SF3B1: variants seen among roughly 807,000 people sequenced by gnomAD.
SF3B1 encodes the protein splicing factor 3b subunit 1.
Under a neutral mutation model 153.8 loss-of-function variants are expected in SF3B1, and 12 were observed. The ratio of observed to expected loss-of-function variants is 0.08; its 90% confidence interval spans 0.05 to 0.13. The LOEUF (loss-of-function observed/expected upper bound fraction) is 0.13. Among genes scored for constraint, SF3B1 ranks in the 10% least tolerant of loss-of-function variants. SF3B1 has a pLI of 1.00. For missense variants in SF3B1, 513 were observed against 1,606.1 expected, an observed-to-expected ratio of 0.32 and a Z score of 11.63; for synonymous variants, 498 against 525.2, an observed-to-expected ratio of 0.95 and a Z score of 0.71.
chr2:197,393,354 A>G (rs1018740654), intron 23 of SF3B1, 166 bp from the exon 24 acceptor site: 5 of 617,050 alleles, frequency 8.1e-6, no homozygotes, highest in Admixed American at 5.9e-5. Context: ...AACATTTCAT[A>G]TATCTAATAT....
intron 9 of SF3B1, among the ~76,000 whole-genome samples, chr2:197,407,426 G>A (rs1256761643): frequency 1.3e-5 from 2 of 152,042 alleles, no homozygotes; most frequent in African/African-American, 4.8e-5. Context: ...CCAGCATGGC[G>A]AAACCCTGTC....
intron 1 of SF3B1, among the ~76,000 whole-genome samples, chr2:197,434,644 C>A (rs2106030557): frequency 6.6e-6 from 1 of 152,330 alleles, no homozygotes; most frequent in South Asian, 2.1e-4. Context: ...CGAGTGAGAC[C>A]TTCTCCCCAC....
chr2:197,407,606 T>TA (rs143335876), intron 9 of SF3B1, among the ~76,000 whole-genome samples: 3,383 of 132,406 alleles, frequency 0.026, 124 homozygotes, highest in East Asian at 0.087. Flanking sequence ...CTCCATCTTT[T>TA]AAAAAAAAAA....
At chr2:197,417,204 G>A (rs946712611) in intron 5 of SF3B1, among the ~76,000 whole-genome samples, 2 of 152,050 alleles carry the variant, frequency 1.3e-5, no homozygotes, top group African/African-American at 4.8e-5. Context: ...GAACCATAAT[G>A]CTTCCACTGA....
At chr2:197,422,218 A>G (rs2085255218) in intron 2 of SF3B1, among the ~76,000 whole-genome samples, 1 of 152,066 alleles carries the variant, frequency 6.6e-6, no homozygotes, top group Non-Finnish European at 1.5e-5. Context: ...GCTTCTAGAA[A>G]TTTCACCTTT....
chr2:197,392,575 G>GGGA, intron 24 of SF3B1, 114 bp from the exon 25 acceptor site: 1 of 314,808 alleles, frequency 3.2e-6, no homozygotes, highest in Admixed American at 4.8e-5. Context: ...GGAGTTGGGG[G>GGGA]GGGGGGAACC....
At chr2:197,418,173 T>C (rs185171331) in intron 5 of SF3B1, among the ~76,000 whole-genome samples, 2 of 136,868 alleles carry the variant, frequency 1.5e-5, no homozygotes, top group African/African-American at 2.8e-5. Flanking sequence ...GAAGCAGAGA[T>C]TGCAGTGAGA....
At chr2:197,419,445 T>C (rs1278051844) in intron 4 of SF3B1, 3 of 220,028 alleles carry the variant, frequency 1.4e-5, no homozygotes, top group African/African-American at 6.7e-5. Context: ...ACAAGTAGTA[T>C]AGCATCACAA....
In SF3B1 at chr2:197,402,847, G is replaced by T. The variant is rs371654460; in HGVS notation, c.1807-21C>A. ...GCAGCCTAAAATGTAAACAAAGAAA[G>T]GACAGTCATGAGTTGGTAATATTAA... On this transcript the variant is annotated intron_variant, in intron 13 of 24. Coordinates refer to ENST00000335508, the MANE Select transcript of SF3B1 (RefSeq NM_012433.4). The surrounding 1 kb of genome is among the most constrained non-coding windows in gnomAD (Gnocchi z 4.6). The T allele has an allele frequency of 1.6e-5, 25 of 1,611,942 alleles. No homozygotes were observed. The highest frequency in any genetic ancestry group is 1.8e-5 in the Non-Finnish European group (21 of 1,178,644).
chr2:197,408,207 C>T (rs2085020330), intron 8 of SF3B1, 88 bp from the exon 9 acceptor site: 1 of 1,323,422 alleles, frequency 7.6e-7, no homozygotes, highest in South Asian at 1.3e-5. Flanking sequence ...AAGATCAATC[C>T]TATTATTTGC....
Position 197,405,342 on chromosome 2 carries a change from T to C in SF3B1, c.1370A>G (p.Asn457Ser). 3 of 1,614,140 alleles carry C rather than the reference T, an allele frequency of 1.9e-6. No homozygotes were observed. Among genetic ancestry groups the C allele is most frequent in the Non-Finnish European group, 2.5e-6 (3 of 1,179,988 alleles). ...QTEDRTMKSV[N>S]DQPSGNLPFL... ...TGGAAGATTTCCAGATGGCTGGTCA[T>C]TAACACTTTTCATAGTTCGATCTTC... The change falls in exon 10 of 25, where the codon AAT becomes AGT. Residue 457 changes from asparagine (N) to serine (S), a missense_variant. Physicochemically the swap from Asn to Ser is conservative, Grantham distance 46 (BLOSUM62 1). Around this residue, in one of 21 missense-constraint regions of SF3B1, gnomAD observed 17 missense variants for 21.0 expected, o/e 0.81. Coordinates refer to ENST00000335508, the MANE Select transcript of SF3B1 (RefSeq NM_012433.4).
chr2:197,392,581 G>GGGGGGA (rs1553563303), intron 24 of SF3B1, 120 bp from the exon 25 acceptor site: 1 of 273,152 alleles, frequency 3.7e-6, no homozygotes, highest in Non-Finnish European at 6.8e-6. Context: ...GGGGGGGGGG[G>GGGGGGA]AACCTACTAA....
intron 2 of SF3B1, among the ~76,000 whole-genome samples, chr2:197,423,403 C>T (rs2106014882): frequency 6.6e-6 from 1 of 151,296 alleles, no homozygotes; most frequent in Non-Finnish European, 1.5e-5. Context: ...AAAAGAAAAT[C>T]CATTCACATT....
In SF3B1 at chr2:197,412,345, T is replaced by A. The variant is rs186501059; in HGVS notation, c.667-2338A>T. 7.1e-4 allele frequency among the ~76,000 whole-genome samples: 71 copies of A among 99,306 alleles called. No homozygotes were observed. In the East Asian group the frequency reaches 0.016, roughly 23 times the overall value. The allele number at this position is 99,306 out of a possible 152,430, so 65.1% of individuals were successfully genotyped here. ...AAAAGTCTGAGTCTCTGATTTAATT[T>A]ATTTATTTATTTATTTATTTATTTA... On this transcript the variant is annotated intron_variant, in intron 6 of 24. Transcript: ENST00000335508.
At chr2:197,420,804 A>T (rs2085228101) in intron 3 of SF3B1, among the ~76,000 whole-genome samples, 1 of 152,182 alleles carries the variant, frequency 6.6e-6, no homozygotes, top group South Asian at 2.1e-4. Context: ...AATCTCAACT[A>T]CTTGGGAGGT....
intron 11 of SF3B1, among the ~76,000 whole-genome samples, chr2:197,404,341 A>G (rs1174235834): frequency 2.0e-5 from 3 of 152,196 alleles, no homozygotes; most frequent in African/African-American, 4.8e-5. Flanking sequence ...GCACTTTGGG[A>G]GACCGAGGCA....
At position 197,408,510 on chromosome 2, in the gene SF3B1, T is replaced by G; in HGVS notation, c.976A>C (p.Thr326Pro). The change falls in exon 8 of 25, where the codon ACA becomes CCA. Residue 326 changes from threonine (T) to proline (P), a missense_variant. Coordinates refer to ENST00000335508, the MANE Select transcript of SF3B1 (RefSeq NM_012433.4). ...TDRGGDSIGETPTPGASKRKS... is the reference protein window; with the variant it reads ...TDRGGDSIGEPPTPGASKRKS... ...CTTTTACTGGCTCCAGGAGTCGGTGTTTCACCAATAGAATCTCCACCTCGA... is the reference window on the plus strand; with the variant it reads ...CTTTTACTGGCTCCAGGAGTCGGTGGTTCACCAATAGAATCTCCACCTCGA... The G allele has an allele frequency of 6.2e-7, 1 of 1,613,536 alleles. No individual in the cohort carries two copies. Among genetic ancestry groups the G allele is most frequent in the Non-Finnish European group, 8.5e-7 (1 of 1,179,930 alleles).
chr2:197,408,094 T>C lies in SF3B1; in HGVS notation c.1143A>G (p.Glu381=). Residue 381 remains glutamate, a synonymous_variant, in exon 9 of 25, where the codon GAA becomes GAG. Transcript: ENST00000335508. ...TPGHIMSMTP[E]QLQAWRWERE... is the part of the protein sequence containing the mutation. The stretch of plus-strand genomic sequence containing the variant: ...TTTCCCACCGCCAAGCCTGAAGCTG[T>C]TCAGGAGTCATACTCATTATGTGAC... 1.2e-6 allele frequency: 2 copies of C among 1,613,734 alleles called. No individual in the cohort carries two copies. Among genetic ancestry groups the C allele is most frequent in the South Asian group, 1.1e-5 (1 of 91,080 alleles).
Position 197,400,694 on chromosome 2 carries a change from T to C in SF3B1, c.2718+21A>G. 6.7e-7 allele frequency: 1 copy of C among 1,490,538 alleles called. No homozygotes were observed. The highest frequency in any genetic ancestry group is 9.3e-7 in the Non-Finnish European group (1 of 1,075,208). 92.3% of individuals were successfully genotyped at this position (1,490,538 alleles called of 1,614,324 possible). A position where few individuals can be genotyped will look rare whatever the true frequency, so the allele number is the denominator to read the frequency against. On this transcript the variant is annotated intron_variant, in intron 18 of 24. Coordinates refer to ENST00000335508, the MANE Select transcript of SF3B1 (RefSeq NM_012433.4). This position sits in a 1 kb window ranked among gnomAD's most constrained non-coding sequence, Gnocchi z 5.0. ...ACAAATATTAAAGTTAGTAGCAATG[T>C]GCCATAATAGTTTTCATTACCTCTG... is the stretch of plus-strand genomic sequence containing the variant.
Sources: allele counts gnomAD v4.1 joint callset (sites outside exome capture counted in the v4.1 genomes callset), GRCh38; gene constraint gnomAD v4.1.1; regional missense constraint gnomAD v4.1.1; non-coding constraint Gnocchi (gnomAD v3.1); transcripts MANE v1.5; gene names NCBI Gene and HGNC (gene_info 2026-07-23, HGNC 2026-07-21).